ACBD4: variants seen among roughly 807,000 people sequenced by gnomAD.
ACBD4 encodes acyl-CoA binding domain containing 4.
Under a neutral mutation model 46.0 loss-of-function variants are expected in ACBD4, and 41 were observed. That is an observed-to-expected ratio of 0.89 (90% CI 0.69 to 1.16). The LOEUF is 1.16. Among genes scored for constraint, ACBD4 ranks in the 50% most tolerant of loss-of-function variants. ACBD4 has a pLI of 0.00. For missense variants in ACBD4, 393 were observed against 399.5 expected, an observed-to-expected ratio of 0.98 and a Z score of 0.14; for synonymous variants, 162 against 155.9, an observed-to-expected ratio of 1.04 and a Z score of -0.29.
chr17:45,143,875 T>G lies in ACBD4; in HGVS notation c.*304T>G. ...GGGCGATCGGGTCTCAGCCCCTGCC[T>G]TCCCCAGTCTCTGGGTCACCCGAAT... is the stretch of plus-strand genomic sequence containing the variant. On this transcript the variant is annotated 3_prime_UTR_variant, in exon 10 of 10. Coordinates refer to ENST00000321854, the MANE Select transcript of ACBD4 (RefSeq NM_001135705.3). The G allele has an allele frequency of 2.4e-6, 1 of 424,560 alleles. No homozygotes were observed. Among genetic ancestry groups the G allele is most frequent in the Non-Finnish European group, 4.2e-6 (1 of 236,168 alleles). The allele number at this position is 424,560 out of a possible 1,614,324, so 26.3% of individuals were successfully genotyped here. A position where few individuals can be genotyped will look rare whatever the true frequency, so the allele number is the denominator to read the frequency against.
At chr17:45,132,871 C>T (rs1440903048), upstream of ACBD4, among the ~76,000 whole-genome samples, 1 of 152,182 alleles carries the variant, frequency 6.6e-6, no homozygotes, top group East Asian at 1.9e-4. The surrounding 1 kb of genome is among the most constrained non-coding windows in gnomAD (Gnocchi z 4.6). Context: ...CGTCGCGCCG[C>T]AGGCCTCAGC....
chr17:45,139,655 C>T (rs2055139236), intron 9 of ACBD4, among the ~76,000 whole-genome samples: 1 of 152,224 alleles, frequency 6.6e-6, no homozygotes, highest in African/African-American at 2.4e-5. Context: ...GTGCGAAACA[C>T]TCATGGGCAT....
chr17:45,139,097 G>T lies in ACBD4; in HGVS notation c.726G>T (p.Glu242Asp). ...TGGGGACAGTTCGAGCACTACAGGA[G>T]AGCATGCAGGAGGTGCAGGCGAGGG... ...WLLGTVRALQ[E>D]SMQEVQARVQ... Residue 242 changes from glutamate to aspartate, a missense_variant, in exon 9 of 10, where the codon GAG becomes GAT. Glu to Asp is a conservative substitution (Grantham distance 45, BLOSUM62 2). Around this residue, in one of 3 missense-constraint regions of ACBD4, gnomAD observed 308 missense variants for 301.8 expected, o/e 1.02. Coordinates refer to ENST00000321854, the MANE Select transcript of ACBD4 (RefSeq NM_001135705.3). The T allele has an allele frequency of 6.2e-7, 1 of 1,613,916 alleles. No homozygotes were observed. The highest frequency in any genetic ancestry group is 8.5e-7 in the Non-Finnish European group (1 of 1,180,034).
chr17:45,133,429 T>C (rs2054570650), upstream of ACBD4: 1 of 151,840 alleles, frequency 6.6e-6, no homozygotes, highest in African/African-American at 2.4e-5. Flanking sequence ...GCCACCTACT[T>C]GCCCTGCTCT....
At chr17:45,143,339 T>G in intron 9 of ACBD4, 104 bp from the exon 10 acceptor site, 1 of 1,019,288 alleles carries the variant, frequency 9.8e-7, no homozygotes, top group Non-Finnish European at 1.4e-6. Flanking sequence ...GGTGCAGACT[T>G]AGGGGCAGGG....
At chr17:45,142,129 A>C (rs1401553199) in intron 9 of ACBD4, among the ~76,000 whole-genome samples, 1 of 152,104 alleles carries the variant, frequency 6.6e-6, no homozygotes, top group Non-Finnish European at 1.5e-5. Context: ...ACGGTGGCTC[A>C]CGCCTGTAAT....
rs2055451444 is a variant in ACBD4, at chr17:45,144,064, GT to G, written c.*496del. The G allele has an allele frequency of 1.9e-5, 3 of 162,106 alleles. No individual in the cohort carries two copies. In the South Asian group the frequency reaches 5.1e-4, roughly 28 times the overall value. The allele number at this position is 162,106 out of a possible 1,614,324, so 10.0% of individuals were successfully genotyped here. On this transcript the variant is annotated 3_prime_UTR_variant, in exon 10 of 10. Coordinates refer to ENST00000321854, the MANE Select transcript of ACBD4 (RefSeq NM_001135705.3). The stretch of plus-strand genomic sequence containing the variant: ...GCCCCGGGGGAGGGGGATGAGCGCA[GT>G]TTGCTCGCTTTCCTCCCCTGCCGGC...
intron 9 of ACBD4, among the ~76,000 whole-genome samples, chr17:45,140,049 C>A (rs1329069039): frequency 3.3e-5 from 5 of 152,150 alleles, no homozygotes; most frequent in Non-Finnish European, 7.4e-5. Flanking sequence ...TCTGGGGTGA[C>A]CGCTAATCCA....
chr17:45,136,848 T>G (rs2143781050), intron 4 of ACBD4, 72 bp downstream of exon 4: 1 of 1,594,534 alleles, frequency 6.3e-7, no homozygotes, highest in Non-Finnish European at 8.6e-7. Context: ...TGACCCCCAC[T>G]ACGTTTCCTA....
upstream of ACBD4, among the ~76,000 whole-genome samples, chr17:45,134,208 T>A (rs2067396412): frequency 6.6e-6 from 1 of 152,174 alleles, no homozygotes; most frequent in Non-Finnish European, 1.5e-5. Context: ...TGGAGTGCAG[T>A]GGCATGATCA....
Position 45,141,157 on chromosome 17 carries a change from C to T in ACBD4, c.789+1997C>T, listed in dbSNP as rs182031801. ...CCAGTTTCTCCAGTTATCCTGAAAC[C>T]GCCTTTTCCAGCTGCTCTGTTTTTC... On this transcript the variant is annotated intron_variant, in intron 9 of 9. Transcript: ENST00000321854. Among the ~76,000 whole-genome samples, 36 of 151,844 alleles carry T rather than the reference C, an allele frequency of 2.4e-4. No individual in the cohort carries two copies. In the East Asian group the frequency reaches 6.7e-3, roughly 28 times the overall value.
At position 45,136,517 on chromosome 17, in the gene ACBD4, TATG is replaced by T. The variant is rs1226560307; in HGVS notation, c.108_110del (p.Tyr36_Glu37delinsTer). 19 of 1,613,456 alleles carry T rather than the reference TATG, an allele frequency of 1.2e-5. No individual in the cohort carries two copies. The highest frequency in any genetic ancestry group is 1.6e-5 in the Non-Finnish European group (19 of 1,179,832). On this transcript the variant is annotated stop_gained and inframe_deletion, in exon 3 of 10. Coordinates refer to ENST00000321854, the MANE Select transcript of ACBD4 (RefSeq NM_001135705.3). LOFTEE classifies it high-confidence loss of function. ...CTGCCCAGGTTCTTACCGCCCCTCC[TATG>T]AAGAGATGCTGCGATTCTACAGTTA...
At chr17:45,134,906 C>T (rs1263764080), upstream of ACBD4, among the ~76,000 whole-genome samples, 1 of 151,986 alleles carries the variant, frequency 6.6e-6, no homozygotes, top group African/African-American at 2.4e-5. Flanking sequence ...TACCCATTTC[C>T]CCCCCTCCCC....
At chr17:45,142,979 T>C (rs1039900893) in intron 9 of ACBD4, 1 of 155,474 alleles carries the variant, frequency 6.4e-6, no homozygotes, top group Non-Finnish European at 1.4e-5. Flanking sequence ...CTTGCTTTCC[T>C]GGTACAAGGC....
At position 45,139,087 on chromosome 17, in the gene ACBD4, C is replaced by T. The variant is rs1235134623; in HGVS notation, c.716C>T (p.Ala239Val). The T allele has an allele frequency of 1.2e-6, 2 of 1,613,848 alleles. No homozygotes were observed. The highest frequency in any genetic ancestry group is 2.2e-5 in the South Asian group (2 of 91,080). The change falls in exon 9 of 10, where the codon GCA becomes GTA. Residue 239 changes from alanine (A) to valine (V), a missense_variant. Transcript: ENST00000321854. ...GTGTGGCTGCTGGGGACAGTTCGAG[C>T]ACTACAGGAGAGCATGCAGGAGGTG... Reference protein sequence around the residue: ...LDVWLLGTVRALQESMQEVQA... With the variant: ...LDVWLLGTVRVLQESMQEVQA...
chr17:45,138,099 C>T, intron 8 of ACBD4, 111 bp downstream of exon 8: 2 of 1,158,482 alleles, frequency 1.7e-6, no homozygotes, highest in Non-Finnish European at 2.5e-6. Flanking sequence ...CATTGCTGGG[C>T]ACTGAGCGAG....
chr17:45,132,866 C>T (rs2143641222), upstream of ACBD4, among the ~76,000 whole-genome samples: 1 of 152,266 alleles, frequency 6.6e-6, no homozygotes, highest in South Asian at 2.1e-4. The surrounding 1 kb of genome is among the most constrained non-coding windows in gnomAD (Gnocchi z 4.6). Flanking sequence ...GTCCCCGTCG[C>T]GCCGCAGGCC....
At position 45,143,437 on chromosome 17, in the gene ACBD4, C is replaced by A; in HGVS notation, c.790-6C>A. ...TGGCCTCTGACTCCCTCCCTCTTGG[C>A]TGCAGAGGCCGCAGCCCAGGCCCAG... On this transcript the variant is annotated splice_region_variant and splice_polypyrimidine_tract_variant and intron_variant, in intron 9 of 9. Coordinates refer to ENST00000321854, the MANE Select transcript of ACBD4 (RefSeq NM_001135705.3). 1 of 1,602,772 alleles carries A rather than the reference C, an allele frequency of 6.2e-7. No homozygotes were observed.
chr17:45,138,788 A>T (rs1442515904), intron 8 of ACBD4, among the ~76,000 whole-genome samples: 4 of 134,924 alleles, frequency 3.0e-5, no homozygotes, highest in African/African-American at 1.1e-4. Context: ...AAGACTGTCT[A>T]AAAAAAAAAA....
Sources: allele counts gnomAD v4.1 joint callset (sites outside exome capture counted in the v4.1 genomes callset), GRCh38; gene constraint gnomAD v4.1.1; regional missense constraint gnomAD v4.1.1; non-coding constraint Gnocchi (gnomAD v3.1); transcripts MANE v1.5; gene names NCBI Gene and HGNC (gene_info 2026-07-23, HGNC 2026-07-21).